The following ATG5 variants were observed in gnomAD, a reference collection of about 807,000 sequenced individuals.
ATG5 encodes autophagy related 5, also known as autophagy protein 5.
A neutral mutation model predicts 36.5 loss-of-function variants in ATG5; 14 were observed. The ratio of observed to expected loss-of-function variants is 0.38; its 90% CI spans 0.25 to 0.60. The LOEUF is 0.60. ATG5 is among the 20% of genes least tolerant of loss of function. The pLI is 0.60. For missense variants in ATG5, 195 were observed against 326.7 expected (o/e 0.60, Z 3.11); for synonymous variants, 95 against 101.5 (o/e 0.94, Z 0.38).
intron 3 of ATG5, among the ~76,000 whole-genome samples, 164 bp downstream of exon 3, chr6:106,308,200 T>C (rs1770521244): frequency 6.6e-6 from 1 of 152,200 alleles, no homozygotes; most frequent in Non-Finnish European, 1.5e-5. Flanking sequence ...GGCAGAAATA[T>C]TTTCAATAAC....
intron 5 of ATG5, among the ~76,000 whole-genome samples, chr6:106,258,854 T>C (rs1276516081): frequency 6.6e-6 from 1 of 152,140 alleles, no homozygotes; most frequent in East Asian, 1.9e-4. Flanking sequence ...GTATAGTAAT[T>C]CAACAAATCT....
intron 7 of ATG5, among the ~76,000 whole-genome samples, chr6:106,199,090 G>A (rs1024472408): frequency 1.3e-5 from 2 of 152,220 alleles, no homozygotes; most frequent in African/African-American, 4.8e-5. Flanking sequence ...TGAGGATGTG[G>A]AGAAACTGGA....
chr6:106,251,668 G>A (rs1489693845), intron 5 of ATG5, among the ~76,000 whole-genome samples: 2 of 37,844 alleles, frequency 5.3e-5, no homozygotes, highest in African/African-American at 1.1e-4. Flanking sequence ...AGGAAGGGAG[G>A]GGGAGGGGGA....
At chr6:106,259,713 T>C (rs1042006796) in intron 5 of ATG5, among the ~76,000 whole-genome samples, 1 of 152,148 alleles carries the variant, frequency 6.6e-6, no homozygotes, top group Non-Finnish European at 1.5e-5. Context: ...AAATCTTACA[T>C]AAAAATAATG....
At chr6:106,203,779 C>T (rs1034106496) in intron 6 of ATG5, among the ~76,000 whole-genome samples, 1 of 152,176 alleles carries the variant, frequency 6.6e-6, no homozygotes, top group Non-Finnish European at 1.5e-5. Flanking sequence ...GGGGGTCTCA[C>T]TATGTTGCCC....
intron 4 of ATG5, 31 bp downstream of exon 4, chr6:106,292,996 AT>A: frequency 6.4e-7 from 1 of 1,555,662 alleles, no homozygotes; most frequent in South Asian, 1.1e-5. Flanking sequence ...TGTATCACAA[AT>A]GGGACGAAGG....
intron 6 of ATG5, among the ~76,000 whole-genome samples, chr6:106,239,809 T>G (rs941949997): frequency 1.3e-5 from 2 of 152,200 alleles, no homozygotes; most frequent in African/African-American, 4.8e-5. Flanking sequence ...AGCCTATCAT[T>G]TGCAAATTGT....
intron 6 of ATG5, among the ~76,000 whole-genome samples, chr6:106,210,911 A>C (rs1489100150): frequency 2.6e-4 from 39 of 152,118 alleles, no homozygotes; most frequent in Admixed American, 2.6e-3. Context: ...TCTCAACAGA[A>C]CTCTACTGAA....
chr6:106,265,004 A>G (rs916346484), intron 5 of ATG5, among the ~76,000 whole-genome samples: 1 of 152,156 alleles, frequency 6.6e-6, no homozygotes, highest in Admixed American at 6.5e-5. Context: ...TTAACCTTAA[A>G]TGTAAATGGG....
At chr6:106,269,046 TA>T (rs970517839) in intron 5 of ATG5, among the ~76,000 whole-genome samples, 1 of 152,048 alleles carries the variant, frequency 6.6e-6, no homozygotes, top group African/African-American at 2.4e-5. Flanking sequence ...TAAAGTAAAA[TA>T]AAATAAAAGT....
chr6:106,323,936 CT>C (rs1480165550), intron 1 of ATG5, among the ~76,000 whole-genome samples: 1 of 152,198 alleles, frequency 6.6e-6, no homozygotes, highest in Non-Finnish European at 1.5e-5. Context: ...GTCAAACTAG[CT>C]AGTATGCGCC....
Position 106,245,473 on chromosome 6 carries a change from TC to T in ATG5, c.573+2676del, listed in dbSNP as rs529266288. 1.6e-3 allele frequency among the ~76,000 whole-genome samples: 251 copies of T among 152,296 alleles called. 1 individual carries two copies. Among genetic ancestry groups the T allele is most frequent in the African/African-American group, 5.3e-3 (219 of 41,566 alleles). On this transcript the variant is annotated intron_variant, in intron 6 of 7. Transcript: ENST00000369076. The stretch of plus-strand genomic sequence containing the variant: ...AGGCCTAGGTCTGGATTCTAGTTCT[TC>T]CATTTTTCATTTGTTCACTGAGGCA...
intron 3 of ATG5, among the ~76,000 whole-genome samples, chr6:106,307,535 C>CCT (rs368838890): frequency 9.5e-6 from 1 of 105,158 alleles, no homozygotes; most frequent in African/African-American, 3.5e-5. Context: ...TTTCAATACC[C>CCT]TTTTTTTTTT....
chr6:106,212,500 G>A (rs1040468383), intron 6 of ATG5, among the ~76,000 whole-genome samples: 3 of 152,124 alleles, frequency 2.0e-5, no homozygotes, highest in Non-Finnish European at 4.4e-5. Context: ...TTAGCCGGGC[G>A]CTGTGGCGGG....
intron 6 of ATG5, among the ~76,000 whole-genome samples, chr6:106,219,680 A>T (rs1777167956): frequency 6.6e-6 from 1 of 152,148 alleles, no homozygotes; most frequent in South Asian, 2.1e-4. Flanking sequence ...TAACCCAGGG[A>T]GGTCCTGGAA....
chr6:106,320,625 GA>G (rs66941172), intron 1 of ATG5, among the ~76,000 whole-genome samples: 98 of 142,784 alleles, frequency 6.9e-4, no homozygotes, highest in Middle Eastern at 3.6e-3. Flanking sequence ...AGGCTGTTCT[GA>G]AAAAAAAAAA....
At chr6:106,313,072 G>A (rs955356522) in intron 2 of ATG5, among the ~76,000 whole-genome samples, 1 of 152,182 alleles carries the variant, frequency 6.6e-6, no homozygotes, top group African/African-American at 2.4e-5. Flanking sequence ...AAAATAAACA[G>A]AGAAGGCAGA....
At chr6:106,269,326 G>A (rs1779349986) in intron 5 of ATG5, among the ~76,000 whole-genome samples, 1 of 152,198 alleles carries the variant, frequency 6.6e-6, no homozygotes. Context: ...GGTTCTCCAC[G>A]TCCCCACCAG....
chr6:106,237,479 G>A (rs548650755), intron 6 of ATG5, among the ~76,000 whole-genome samples: 35 of 152,166 alleles, frequency 2.3e-4, no homozygotes, highest in African/African-American at 8.4e-4. Context: ...ATTGCTTACC[G>A]GCTGGCTGTC....
Sources: allele counts gnomAD v4.1 joint callset (sites outside exome capture counted in the v4.1 genomes callset), GRCh38; gene constraint gnomAD v4.1.1; transcripts MANE v1.5; gene names NCBI Gene and HGNC (gene_info 2026-07-23, HGNC 2026-07-21).